Variants in TIAM1 observed in about 807,000 individuals in gnomAD.
TIAM1 encodes rho guanine nucleotide exchange factor TIAM1.
Under a neutral mutation model 163.5 loss-of-function variants are expected in TIAM1, and 65 were observed. The ratio of observed to expected loss-of-function variants is 0.40; its 90% CI spans 0.33 to 0.49. The LOEUF is 0.49. Ranked by LOEUF, TIAM1 falls within the 20% of genes least tolerant of loss-of-function variation. The pLI, the probability that TIAM1 is intolerant of heterozygous loss-of-function variation, is 0.77. For synonymous variants in TIAM1, 833 were observed against 810.1 expected (o/e 1.03, Z -0.48); for missense variants, 1,789 against 2,044.7 (o/e 0.87, Z 2.41).
intron 1 of TIAM1, among the ~76,000 whole-genome samples, chr21:31,495,213 T>C (rs1432836788): frequency 6.6e-6 from 1 of 152,190 alleles, no homozygotes; most frequent in East Asian, 1.9e-4. Flanking sequence ...AATCAGCTTG[T>C]GCAGCTGCAA....
chr21:31,155,164 G>A (rs1206898850), intron 16 of TIAM1, among the ~76,000 whole-genome samples: 3 of 152,182 alleles, frequency 2.0e-5, no homozygotes, highest in South Asian at 2.1e-4. Flanking sequence ...GGTTGCACAC[G>A]TTTTGTCATC....
At chr21:31,253,419 T>C (rs2071925149) in intron 4 of TIAM1, among the ~76,000 whole-genome samples, 1 of 152,162 alleles carries the variant, frequency 6.6e-6, no homozygotes, top group Non-Finnish European at 1.5e-5. Flanking sequence ...TGAGAGGCAA[T>C]GGGGGCAGTA....
chr21:31,392,190 A>C (rs1284599110), intron 2 of TIAM1, among the ~76,000 whole-genome samples: 1 of 152,196 alleles, frequency 6.6e-6, no homozygotes, highest in African/African-American at 2.4e-5. Context: ...TCTCATTGTA[A>C]GTTGATGAGC....
chr21:31,152,909 A>G, intron 18 of TIAM1, 148 bp from the exon 19 acceptor site: 1 of 1,285,580 alleles, frequency 7.8e-7, no homozygotes, highest in Non-Finnish European at 1.1e-6. Context: ...TTTACTCTTC[A>G]TGAGCACACC....
Position 31,392,785 on chromosome 21 carries a change from A to G in TIAM1, c.-368-53363T>C, listed in dbSNP as rs2076990299. 3.3e-5 allele frequency among the ~76,000 whole-genome samples: 5 copies of G among 151,678 alleles called. 1 individual carries two copies. On this transcript the variant is annotated intron_variant, in intron 2 of 28. Transcript: ENST00000286827. Reference sequence around the variant, plus strand: ...TTCTTGCTCTGTTAGTTCAAGTGAGAGTGGGTTAAGAGAGACTGGCACCGC... The same window carrying G: ...TTCTTGCTCTGTTAGTTCAAGTGAGGGTGGGTTAAGAGAGACTGGCACCGC...
chr21:31,147,731 A>T (rs991881588), intron 19 of TIAM1, among the ~76,000 whole-genome samples: 4 of 143,654 alleles, frequency 2.8e-5, no homozygotes, highest in South Asian at 2.1e-4. Context: ...TAAAATATAT[A>T]ATATATAAAA....
At chr21:31,347,491 A>G (rs2076166893), upstream of TIAM1, among the ~76,000 whole-genome samples, 1 of 152,242 alleles carries the variant, frequency 6.6e-6, no homozygotes, top group South Asian at 2.1e-4. Flanking sequence ...CAGTTCTGAA[A>G]GCCACTCGTT....
chr21:31,412,085 A>G (rs995899990), intron 2 of TIAM1, among the ~76,000 whole-genome samples: 2 of 152,216 alleles, frequency 1.3e-5, no homozygotes, highest in African/African-American at 4.8e-5. Flanking sequence ...TATATACACA[A>G]TGGAATAGTA....
intron 11 of TIAM1, among the ~76,000 whole-genome samples, chr21:31,204,199 T>A (rs766209978): frequency 3.7e-4 from 57 of 152,304 alleles, no homozygotes; most frequent in Admixed American, 6.5e-4. Context: ...GTGATTTTTT[T>A]AAGCATCCTT....
intron 2 of TIAM1, among the ~76,000 whole-genome samples, chr21:31,359,644 C>T (rs1365707144): frequency 5.3e-5 from 8 of 152,012 alleles, no homozygotes; most frequent in Non-Finnish European, 7.4e-5. Flanking sequence ...AAAAATTTAG[C>T]AGGGCATGGT....
At chr21:31,441,694 T>C (rs1206607208) in intron 2 of TIAM1, among the ~76,000 whole-genome samples, 1 of 152,002 alleles carries the variant, frequency 6.6e-6, no homozygotes, top group Non-Finnish European at 1.5e-5. Context: ...ACATAGCAAG[T>C]AAGATCTGGA....
At chr21:31,542,050 C>G (rs1209693469) in intron 1 of TIAM1, among the ~76,000 whole-genome samples, 1 of 152,164 alleles carries the variant, frequency 6.6e-6, no homozygotes, top group Non-Finnish European at 1.5e-5. Context: ...GAAGACTATG[C>G]CCTCAACCCT....
At chr21:31,522,586 T>C (rs879554614) in intron 1 of TIAM1, among the ~76,000 whole-genome samples, 2 of 152,106 alleles carry the variant, frequency 1.3e-5, no homozygotes, top group African/African-American at 4.8e-5. Flanking sequence ...TTAAACATAA[T>C]TGTTTATCGT....
intron 2 of TIAM1, among the ~76,000 whole-genome samples, chr21:31,433,692 T>G (rs1350554256): frequency 6.6e-6 from 1 of 152,258 alleles, no homozygotes; most frequent in Admixed American, 6.5e-5. Context: ...CTGAAACATC[T>G]TAACTCAGCG....
intron 1 of TIAM1, among the ~76,000 whole-genome samples, chr21:31,521,584 A>G (rs2147496135): frequency 6.6e-6 from 1 of 152,134 alleles, no homozygotes; most frequent in East Asian, 1.9e-4. Flanking sequence ...AAAAATTTAA[A>G]AACTTAGCCA....
chr21:31,295,205 T>C (rs1601857238), intron 2 of TIAM1, among the ~76,000 whole-genome samples: 1 of 152,266 alleles, frequency 6.6e-6, no homozygotes, highest in East Asian at 1.9e-4. Context: ...GTGCGGTGGC[T>C]TACGCCTGCA....
chr21:31,186,873 T>C, intron 14 of TIAM1, 128 bp downstream of exon 14: 1 of 808,900 alleles, frequency 1.2e-6, no homozygotes, highest in South Asian at 1.7e-5. Flanking sequence ...CTGGAAGGGT[T>C]TTCAATGAGA....
intron 5 of TIAM1, among the ~76,000 whole-genome samples, chr21:31,250,822 C>T (rs549113422): frequency 6.6e-6 from 1 of 152,102 alleles, no homozygotes; most frequent in Non-Finnish European, 1.5e-5. Context: ...TGCAACAATA[C>T]GTACATGTAC....
chr21:31,220,901 G>A (rs752936084), intron 8 of TIAM1, among the ~76,000 whole-genome samples: 28 of 152,120 alleles, frequency 1.8e-4, no homozygotes, highest in Admixed American at 5.9e-4. Flanking sequence ...CTTTCAAAGA[G>A]TACAGCGAGG....
Sources: gnomAD v4.1 joint callset for allele counts (sites outside exome capture counted in the v4.1 genomes callset) on GRCh38, gnomAD v4.1.1 for gene constraint, MANE v1.5 for transcripts, NCBI Gene and HGNC (gene_info 2026-07-23, HGNC 2026-07-21) for gene names.